STIM2: variants seen among roughly 807,000 people sequenced by gnomAD.
STIM2 encodes stromal interaction molecule 2.
A neutral mutation model predicts 85.8 loss-of-function variants in STIM2; 31 were observed. That is an observed-to-expected ratio of 0.36 (90% CI 0.27 to 0.49). The LOEUF (loss-of-function observed/expected upper bound fraction) is 0.49, where lower values mean the gene tolerates loss of function less well. STIM2 is among the 20% of genes least tolerant of loss of function. The pLI is 0.98. For missense variants in STIM2, 841 were observed against 927.6 expected (o/e 0.91, Z 1.21); for synonymous variants, 356 against 331.1 (o/e 1.08, Z -0.82).
chr4:26,918,515 C>T (rs1724676287), intron 1 of STIM2, among the ~76,000 whole-genome samples: 2 of 152,098 alleles, frequency 1.3e-5, no homozygotes, highest in Admixed American at 1.3e-4. Flanking sequence ...CTGTCTTATG[C>T]TAACCACTTT....
chr4:27,004,993 C>T (rs1400902326), intron 7 of STIM2, among the ~76,000 whole-genome samples: 2 of 152,142 alleles, frequency 1.3e-5, no homozygotes. Context: ...CCTTGGGTTA[C>T]ACAGCTATTA....
intron 2 of STIM2, among the ~76,000 whole-genome samples, chr4:26,944,640 T>C (rs997179422): frequency 1.1e-4 from 17 of 152,220 alleles, no homozygotes; most frequent in African/African-American, 4.1e-4. Flanking sequence ...ACTAGTATTG[T>C]AAAAGTTTAT....
intron 2 of STIM2, among the ~76,000 whole-genome samples, chr4:26,943,905 T>C (rs6448487): frequency 0.62 from 93,523 of 151,870 alleles, 29,968 homozygotes; most frequent in African/African-American, 0.81. Flanking sequence ...AGAATACTAA[T>C]GTTAAAACCA....
chr4:26,919,738 A>C (rs1724727585), intron 2 of STIM2, 104 bp downstream of exon 2: 2 of 1,273,260 alleles, frequency 1.6e-6, no homozygotes, highest in African/African-American at 3.1e-5. Context: ...CATTGCCTTC[A>C]TCTTCAACAT....
At chr4:27,006,676 AT>A (rs1245441870) in intron 7 of STIM2, among the ~76,000 whole-genome samples, 1 of 152,176 alleles carries the variant, frequency 6.6e-6, no homozygotes, top group Non-Finnish European at 1.5e-5. Flanking sequence ...CTTAGCACTT[AT>A]CACCTAACCA....
chr4:26,994,253 T>C (rs1249053944), intron 3 of STIM2, among the ~76,000 whole-genome samples: 2 of 152,124 alleles, frequency 1.3e-5, no homozygotes, highest in African/African-American at 2.4e-5. Context: ...AAAACAACTT[T>C]TGATCTCTGT....
At chr4:27,013,691 A>G (rs1203212237) in intron 10 of STIM2, among the ~76,000 whole-genome samples, 1 of 152,030 alleles carries the variant, frequency 6.6e-6, no homozygotes, top group Non-Finnish European at 1.5e-5. Context: ...AATGTAGCCT[A>G]CCTTGTGGAG....
chr4:26,939,664 A>G (rs765824526), intron 2 of STIM2, among the ~76,000 whole-genome samples: 2 of 152,124 alleles, frequency 1.3e-5, no homozygotes, highest in Non-Finnish European at 2.9e-5. Context: ...GGATGTTTGA[A>G]AATTTTTATG....
At chr4:26,984,515 C>G (rs1395132827) in intron 3 of STIM2, among the ~76,000 whole-genome samples, 1 of 152,090 alleles carries the variant, frequency 6.6e-6, no homozygotes, top group Non-Finnish European at 1.5e-5. Flanking sequence ...TGCATGCCAC[C>G]ACACCTGGCT....
At chr4:26,927,776 A>C (rs1479591172) in intron 2 of STIM2, among the ~76,000 whole-genome samples, 3 of 144,828 alleles carry the variant, frequency 2.1e-5, no homozygotes, top group African/African-American at 7.5e-5. Context: ...AATATTATTA[A>C]TATAATAAAA....
At chr4:26,875,808 G>GATA (rs1003937386) in intron 1 of STIM2, among the ~76,000 whole-genome samples, 1 of 152,170 alleles carries the variant, frequency 6.6e-6, no homozygotes, top group Non-Finnish European at 1.5e-5. Context: ...AGGCTTTAGA[G>GATA]ATACTGTAGC....
At chr4:26,911,283 A>C (rs1724329702) in intron 1 of STIM2, among the ~76,000 whole-genome samples, 1 of 152,120 alleles carries the variant, frequency 6.6e-6, no homozygotes, top group Non-Finnish European at 1.5e-5. Flanking sequence ...AATAAAAAAA[A>C]TGAAATAAAA....
intron 1 of STIM2, among the ~76,000 whole-genome samples, chr4:26,915,758 A>G (rs1249994082): frequency 6.6e-6 from 1 of 152,192 alleles, no homozygotes; most frequent in African/African-American, 2.4e-5. Context: ...TTAGCATATA[A>G]TACTCAAAAG....
rs969607244 is a variant in STIM2 at position 27,019,510 on chromosome 4, A to G, written c.1763+1526A>G. 9.3e-6 allele frequency: 12 copies of G among 1,287,720 alleles called. No homozygotes were observed. In the Admixed American group the frequency reaches 2.1e-4, roughly 22 times the overall value. The allele number at this position is 1,287,720 out of a possible 1,614,324, so 79.8% of individuals were successfully genotyped here. On this transcript the variant is annotated intron_variant, in intron 11 of 11. Transcript: ENST00000467087. ...TGCACTGTCTAATAAAACTTCCTGCATTGATGGAACGTTCAGTTCTCATTT... is the reference window on the plus strand; with the variant it reads ...TGCACTGTCTAATAAAACTTCCTGCGTTGATGGAACGTTCAGTTCTCATTT...
intron 2 of STIM2, among the ~76,000 whole-genome samples, chr4:26,944,147 A>G (rs564164866): frequency 2.0e-5 from 3 of 152,272 alleles, no homozygotes; most frequent in South Asian, 4.1e-4. Flanking sequence ...ATACAAATAT[A>G]TACATGGTTC....
chr4:26,915,594 A>T (rs760238158), intron 1 of STIM2, among the ~76,000 whole-genome samples: 2 of 152,188 alleles, frequency 1.3e-5, no homozygotes, highest in African/African-American at 4.8e-5. Context: ...TTATTTCTGT[A>T]GAACCATACT....
chr4:26,896,697 A>G (rs1045995560), intron 1 of STIM2, among the ~76,000 whole-genome samples: 9 of 152,240 alleles, frequency 5.9e-5, no homozygotes, highest in Non-Finnish European at 1.3e-4. Flanking sequence ...GGGAAAACTG[A>G]TAGTAGCATA....
intron 3 of STIM2, among the ~76,000 whole-genome samples, chr4:26,970,223 G>GTATA (rs1553851733): frequency 7.3e-5 from 1 of 13,618 alleles, no homozygotes; most frequent in Non-Finnish European, 2.3e-4. Context: ...ATATATATAT[G>GTATA]TATATATATA....
At chr4:26,899,439 A>G (rs1023596280) in intron 1 of STIM2, among the ~76,000 whole-genome samples, 16 of 152,030 alleles carry the variant, frequency 1.1e-4, no homozygotes, top group African/African-American at 2.4e-4. Context: ...TACCTTTTTA[A>G]GTAAGTTTCT....
Sources: allele counts gnomAD v4.1 joint callset (sites outside exome capture counted in the v4.1 genomes callset), GRCh38; gene constraint gnomAD v4.1.1; transcripts MANE v1.5; gene names NCBI Gene and HGNC (gene_info 2026-07-23, HGNC 2026-07-21).